ZNF76: variants seen among roughly 807,000 people sequenced by gnomAD.
The protein encoded by ZNF76 is zinc finger protein 76.
ZNF76 carries 66 observed loss-of-function variants against 66.9 expected under a neutral mutation model. The observed-to-expected ratio is 0.99, with a 90% CI of 0.81 to 1.21. ZNF76 has a LOEUF of 1.21. Ranked by LOEUF, ZNF76 falls within the 50% of genes most tolerant of loss-of-function variation. The pLI, the probability that ZNF76 is intolerant of heterozygous loss-of-function variation, is 0.00. For missense variants in ZNF76, 729 were observed against 760.3 expected (o/e 0.96, Z 0.48); for synonymous variants, 275 against 296.1 (o/e 0.93, Z 0.73).
intron 1 of ZNF76, among the ~76,000 whole-genome samples, chr6:35,264,176 T>C (rs576479622): frequency 9.9e-4 from 151 of 152,354 alleles, no homozygotes; most frequent in Middle Eastern, 3.4e-3. Flanking sequence ...AAGCAGTTCA[T>C]GTCTACATTC....
intron 1 of ZNF76, among the ~76,000 whole-genome samples, chr6:35,263,805 C>T (rs925261659): frequency 6.6e-6 from 1 of 152,160 alleles, no homozygotes; most frequent in Admixed American, 6.5e-5. Flanking sequence ...GGCTGGAGTG[C>T]AGTGGTGCAG....
rs765964326 is a variant in ZNF76, at chr6:35,291,621, G to T, written c.815G>T (p.Arg272Leu). Residue 272 changes from arginine (R) to leucine (L), a missense_variant, in exon 9 of 14, where the codon CGC becomes CTC. By Grantham distance (102) the Arg-to-Leu change is moderately radical (BLOSUM62 -2). Transcript: ENST00000373953. ...CGCTCCTTCACCACATCTAACATCC[G>T]CAAGGTACATGTGCGCACCCACACA... ...CGRSFTTSNI[R>L]KVHVRTHTGE... 4.9e-5 allele frequency: 79 copies of T among 1,613,876 alleles called. No individual in the cohort carries two copies. The highest frequency in any genetic ancestry group is 6.0e-5 in the Non-Finnish European group (71 of 1,179,950).
intron 4 of ZNF76, 167 bp downstream of exon 4, chr6:35,286,566 C>CT: frequency 1.5e-6 from 1 of 676,232 alleles, no homozygotes; most frequent in East Asian, 2.7e-5. Flanking sequence ...CCCACCTTCC[C>CT]TGGTGCAGAC....
rs550160210 is a variant in ZNF76 at position 35,287,931 on chromosome 6, A to G, written c.432+86A>G. The G allele has an allele frequency of 4.1e-5, 60 of 1,449,238 alleles. No individual in the cohort carries two copies. The Admixed American group carries it at 1.1e-3, about 28-fold the overall frequency. 89.8% of individuals were successfully genotyped at this position (1,449,238 alleles called of 1,614,324 possible). On this transcript the variant is annotated intron_variant, in intron 5 of 13. Transcript: ENST00000373953. This position sits in a 1 kb window ranked among gnomAD's most constrained non-coding sequence, Gnocchi z 4.0. ...TGCCTCTTGGCCCTGCCAGAACTTC[A>G]CCTCTCAAGAGGACAAGGGCAGCCC...
At chr6:35,277,899 G>A (rs1209158670) in intron 1 of ZNF76, among the ~76,000 whole-genome samples, 2 of 152,062 alleles carry the variant, frequency 1.3e-5, no homozygotes, top group Non-Finnish European at 2.9e-5. Flanking sequence ...TCACTCTGTC[G>A]CCCAGGCTGG....
chr6:35,293,103 GA>G, intron 11 of ZNF76, 59 bp downstream of exon 11: 1 of 1,564,180 alleles, frequency 6.4e-7, no homozygotes, highest in East Asian at 2.2e-5. Context: ...TCTCTCTGGG[GA>G]CTCTGGGAGC....
At chr6:35,262,263 AGGG>A (rs1201766766) in intron 1 of ZNF76, among the ~76,000 whole-genome samples, 1 of 132,594 alleles carries the variant, frequency 7.5e-6, no homozygotes, top group Non-Finnish European at 1.7e-5. Context: ...CTTTATGAGG[AGGG>A]TATTATGACC....
chr6:35,265,086 T>A (rs1383650324), intron 1 of ZNF76, among the ~76,000 whole-genome samples: 1 of 152,212 alleles, frequency 6.6e-6, no homozygotes, highest in African/African-American at 2.4e-5. Context: ...GTGTGCCAGG[T>A]ACTTTTCTAG....
intron 2 of ZNF76, among the ~76,000 whole-genome samples, chr6:35,285,198 G>C (rs1208337962): frequency 6.6e-6 from 1 of 152,190 alleles, no homozygotes; most frequent in African/African-American, 2.4e-5. Flanking sequence ...TAATTTTTAT[G>C]CTGCTTGTTG....
intron 1 of ZNF76, among the ~76,000 whole-genome samples, chr6:35,264,924 AAG>A (rs956919552): frequency 6.6e-6 from 1 of 152,082 alleles, no homozygotes; most frequent in African/African-American, 2.4e-5. Context: ...GTAAGGAGGA[AAG>A]AGGGACTGAG....
In ZNF76 at chr6:35,289,116, A is replaced by G. The variant is rs148539272; in HGVS notation, c.433-1150A>G. ...GAGCCCTGAGATCTATGCTTGCTCT[A>G]CCTCTACCTAGTCCAAACTTGGGTG... On this transcript the variant is annotated intron_variant, in intron 5 of 13. Coordinates refer to ENST00000373953, the MANE Select transcript of ZNF76 (RefSeq NM_003427.5). Among the ~76,000 whole-genome samples the G allele has an allele frequency of 3.9e-4, 59 of 152,190 alleles. 1 individual carries two copies. In the East Asian group the frequency reaches 8.5e-3, roughly 22 times the overall value.
In ZNF76 at chr6:35,292,266, T is replaced by G. The variant is rs970888324; in HGVS notation, c.932-288T>G. 85 of 505,614 alleles carry G rather than the reference T, an allele frequency of 1.7e-4. 2 individuals are homozygous for G. The South Asian group carries it at 1.7e-3, about 10-fold the overall frequency. 31.3% of individuals were successfully genotyped at this position (505,614 alleles called of 1,614,324 possible). On this transcript the variant is annotated intron_variant, in intron 9 of 13. Coordinates refer to ENST00000373953, the MANE Select transcript of ZNF76 (RefSeq NM_003427.5). The surrounding 1 kb of genome is among the most constrained non-coding windows in gnomAD (Gnocchi z 4.7). ...GTTCACCATTCTCAACCTCCCACCCTCAACCTTATAAGCCCCAGTGCCCCC... is the reference window on the plus strand; with the variant it reads ...GTTCACCATTCTCAACCTCCCACCCGCAACCTTATAAGCCCCAGTGCCCCC...
chr6:35,266,550 C>T (rs926961001), intron 1 of ZNF76, among the ~76,000 whole-genome samples: 2 of 152,038 alleles, frequency 1.3e-5, no homozygotes, highest in African/African-American at 2.4e-5. Context: ...ATATCAAAGT[C>T]GAGATGTTGA....
intron 2 of ZNF76, among the ~76,000 whole-genome samples, chr6:35,283,975 C>G (rs944036026): frequency 2.0e-5 from 3 of 152,220 alleles, no homozygotes; most frequent in Middle Eastern, 3.2e-3. Context: ...AAAGGGGAGA[C>G]GTCAGCAGAG....
Position 35,291,710 on chromosome 6 carries a change from T to TA in ZNF76, c.905dup (p.Tyr302Ter). ...CGRGFTSATN[Y>*]KNHVRIHTGE... ...CCGCGGCTTCACCAGCGCCACCAAC[T>TA]ATAAGAATCACGTGCGCATCCACAC... The change falls in exon 9 of 14, where the codon TAT becomes TAAT. Residue 302 changes from tyrosine to a stop codon, truncating the protein, a stop_gained and frameshift_variant. Transcript: ENST00000373953. LOFTEE classifies it high-confidence loss of function. 1 of 1,611,586 alleles carries TA rather than the reference T, an allele frequency of 6.2e-7. No homozygotes were observed. Among genetic ancestry groups the TA allele is most frequent in the Admixed American group, 1.7e-5 (1 of 60,020 alleles).
At chr6:35,261,514 TTTGG>T (rs10531520) in intron 1 of ZNF76, among the ~76,000 whole-genome samples, 102,137 of 151,238 alleles carry the variant, frequency 0.68, 37,592 homozygotes, top group Non-Finnish European at 0.82. Context: ...CATATTTTTG[TTTGG>T]TTGGTTGGTT....
chr6:35,260,796 A>G (rs1452688785), intron 1 of ZNF76, among the ~76,000 whole-genome samples: 1 of 152,188 alleles, frequency 6.6e-6, no homozygotes, highest in East Asian at 1.9e-4. Context: ...TTGTGAAATT[A>G]TGCAGTTCTC....
chr6:35,286,484 C>T (rs1188340206), intron 4 of ZNF76, 85 bp downstream of exon 4: 1 of 1,275,518 alleles, frequency 7.8e-7, no homozygotes, highest in African/African-American at 1.5e-5. Flanking sequence ...TGGGATGGCA[C>T]ACAACTGGGG....
rs866884674 is a variant in ZNF76, at chr6:35,265,523, G to A, written c.-97+5682G>A. Among the ~76,000 whole-genome samples the A allele has an allele frequency of 6.0e-4, 74 of 123,800 alleles. 1 individual carries two copies. Among genetic ancestry groups the A allele is most frequent in the African/African-American group, 2.9e-3 (64 of 21,846 alleles). The allele number at this position is 123,800 out of a possible 152,430, so 81.2% of individuals were successfully genotyped here. On this transcript the variant is annotated intron_variant, in intron 1 of 13. Coordinates refer to ENST00000373953, the MANE Select transcript of ZNF76 (RefSeq NM_003427.5). The stretch of plus-strand genomic sequence containing the variant: ...CTCTGTCTCAAAAAAAAAAAAAAAA[G>A]AAGAAGAAGAAGAAGAAAATGCCAG...
Sources: allele counts gnomAD v4.1 joint callset (sites outside exome capture counted in the v4.1 genomes callset), GRCh38; gene constraint gnomAD v4.1.1; non-coding constraint Gnocchi (gnomAD v3.1); transcripts MANE v1.5; gene names NCBI Gene and HGNC (gene_info 2026-07-23, HGNC 2026-07-21).